Variants in ANKRD28 observed in about 807,000 individuals in gnomAD.
ANKRD28 encodes the protein serine/threonine-protein phosphatase 6 regulatory ankyrin repeat subunit A.
A neutral mutation model predicts 126.5 loss-of-function variants in ANKRD28; 44 were observed. The ratio of observed to expected loss-of-function variants is 0.35; its 90% CI spans 0.27 to 0.45. The LOEUF (loss-of-function observed/expected upper bound fraction) is 0.45. Ranked by LOEUF, ANKRD28 falls within the 20% of genes least tolerant of loss-of-function variation. ANKRD28 has a pLI of 1.00. For missense variants in ANKRD28, 1,110 were observed against 1,316.6 expected (o/e 0.84, Z 2.43); for synonymous variants, 442 against 468.5 (o/e 0.94, Z 0.73).
intron 3 of ANKRD28, among the ~76,000 whole-genome samples, chr3:15,760,612 C>T (rs1031808488): frequency 1.3e-5 from 2 of 152,108 alleles, no homozygotes; most frequent in Admixed American, 1.3e-4. Flanking sequence ...TCATGAGCTA[C>T]TCTATATACT....
At chr3:15,676,885 A>G in intron 26 of ANKRD28, 89 bp downstream of exon 26, 1 of 1,066,324 alleles carries the variant, frequency 9.4e-7, no homozygotes, top group Non-Finnish European at 1.4e-6. Context: ...AATGAAACCT[A>G]TTCCAATAGT....
rs59750718 is a variant in ANKRD28, at chr3:15,693,327, C to CAGAGAGAGAG, written c.1761+1402_1761+1411dup. Among the ~76,000 whole-genome samples, 4 of 148,464 alleles carry CAGAGAGAGAG rather than the reference C, an allele frequency of 2.7e-5. No individual in the cohort carries two copies. In the East Asian group the frequency reaches 7.9e-4, roughly 29 times the overall value. On this transcript the variant is annotated intron_variant, in intron 17 of 27. Coordinates refer to ENST00000683139, the MANE Select transcript of ANKRD28 (RefSeq NM_001349278.2). ...TGACAAAAAAATAGTAATGGGGGGG[C>CAGAGAGAGAG]AGAGAGAGAGAGAGAGAGAGAGACC...
intron 2 of ANKRD28, among the ~76,000 whole-genome samples, chr3:15,768,813 T>C (rs1425481625): frequency 1.3e-5 from 2 of 152,194 alleles, no homozygotes; most frequent in East Asian, 3.8e-4. Context: ...TAATGTTAAA[T>C]TGTTCAGTAA....
Position 15,803,211 on chromosome 3 carries a change from G to A in ANKRD28, c.28-7905C>T, listed in dbSNP as rs373563157. Among the ~76,000 whole-genome samples, 14 of 152,260 alleles carry A rather than the reference G, an allele frequency of 9.2e-5. No individual in the cohort carries two copies. The South Asian group carries it at 1.0e-3, about 11-fold the overall frequency. ...ATTATGTGGCTTTGATACGAAGAAC[G>A]GATTAAAGGGGTAGAAGAATGGAAG... On this transcript the variant is annotated intron_variant, in intron 1 of 27. Transcript: ENST00000399451.
chr3:15,728,721 C>T (rs537314278), intron 6 of ANKRD28, among the ~76,000 whole-genome samples: 5 of 152,304 alleles, frequency 3.3e-5, no homozygotes, highest in African/African-American at 9.6e-5. Context: ...TTACTGGAAT[C>T]GTTTCAATCT....
At chr3:15,810,233 T>C (rs185612489) in intron 1 of ANKRD28, among the ~76,000 whole-genome samples, 2 of 151,900 alleles carry the variant, frequency 1.3e-5, no homozygotes, top group Non-Finnish European at 2.9e-5. Flanking sequence ...AGAGGCCATG[T>C]AGGATGGTGA....
intron 1 of ANKRD28, among the ~76,000 whole-genome samples, chr3:15,825,532 G>A (rs1034085962): frequency 4.0e-5 from 6 of 151,352 alleles, no homozygotes; most frequent in Non-Finnish European, 8.8e-5. Flanking sequence ...AAACTAAATG[G>A]AAAAAAAATT....
chr3:15,832,184 G>A (rs2061218071), intron 1 of ANKRD28, among the ~76,000 whole-genome samples: 1 of 152,190 alleles, frequency 6.6e-6, no homozygotes, highest in East Asian at 1.9e-4. Context: ...TTCAGATAGT[G>A]CTACAGGGAA....
intron 1 of ANKRD28, among the ~76,000 whole-genome samples, chr3:15,852,426 TCTTGTG>T (rs1428156600): frequency 1.3e-5 from 2 of 152,246 alleles, no homozygotes; most frequent in African/African-American, 4.8e-5. Flanking sequence ...ATTTTAACTG[TCTTGTG>T]CTAGATGTTT....
intron 27 of ANKRD28, among the ~76,000 whole-genome samples, chr3:15,670,818 A>G (rs1317024528): frequency 6.6e-6 from 1 of 152,244 alleles, no homozygotes; most frequent in Non-Finnish European, 1.5e-5. Flanking sequence ...AGGTCTCACA[A>G]CTTATCCGTA....
chr3:15,697,361 C>T (rs1575209498), intron 14 of ANKRD28: 1 of 152,248 alleles, frequency 6.6e-6, no homozygotes, highest in East Asian at 1.9e-4. Flanking sequence ...AAAGACTACA[C>T]ATTGGATACA....
chr3:15,710,475 C>T (rs2072109355), intron 12 of ANKRD28, among the ~76,000 whole-genome samples: 1 of 152,182 alleles, frequency 6.6e-6, no homozygotes, highest in Non-Finnish European at 1.5e-5. Flanking sequence ...CAGTCACATG[C>T]TCACAATCCA....
chr3:15,721,214 T>C (rs972222582), intron 7 of ANKRD28, 87 bp from the exon 8 acceptor site: 4 of 1,071,774 alleles, frequency 3.7e-6, no homozygotes, highest in Non-Finnish European at 5.5e-6. Flanking sequence ...GTGGTTGCAA[T>C]CAAATTACTA....
At chr3:15,697,646 A>C (rs2069841858) in intron 14 of ANKRD28, among the ~76,000 whole-genome samples, 1 of 152,076 alleles carries the variant, frequency 6.6e-6, no homozygotes, top group Non-Finnish European at 1.5e-5. Flanking sequence ...TGCTGGATTC[A>C]GTTTGCCAGT....
chr3:15,736,850 A>G (rs2075050652), intron 5 of ANKRD28, among the ~76,000 whole-genome samples, 183 bp downstream of exon 5: 2 of 152,226 alleles, frequency 1.3e-5, no homozygotes, highest in Admixed American at 6.5e-5. Context: ...TTAACTGTGC[A>G]CAAGTAGTAT....
intron 1 of ANKRD28, among the ~76,000 whole-genome samples, chr3:15,822,341 CA>C (rs1170810200): frequency 1.8e-4 from 28 of 152,072 alleles, no homozygotes; most frequent in African/African-American, 5.8e-4. Context: ...AAACCTCTGC[CA>C]AATTATAGCC....
intron 20 of ANKRD28, among the ~76,000 whole-genome samples, chr3:15,685,787 TAG>T (rs1057115043): frequency 2.0e-5 from 3 of 152,356 alleles, no homozygotes; most frequent in African/African-American, 7.2e-5. Flanking sequence ...CTAAAAGTTT[TAG>T]AGTTTTAAAA....
rs144263805 is a variant in ANKRD28, at chr3:15,796,070, T to C, written c.117+335A>G. Among the ~76,000 whole-genome samples, 610 of 152,218 alleles carry C rather than the reference T, an allele frequency of 4.0e-3. 2 individuals carry two copies. The highest frequency in any genetic ancestry group is 0.023 in the East Asian group (118 of 5,174). On this transcript the variant is annotated intron_variant, in intron 1 of 27. Transcript: ENST00000683139. ...TGGGGGTAGTCAACCTTTCCTAAAA[T>C]ATGCAGAGTTCCTGATTCTTGTTAC...
chr3:15,745,046 T>C (rs556815542), intron 4 of ANKRD28, among the ~76,000 whole-genome samples: 16 of 152,338 alleles, frequency 1.1e-4, no homozygotes, highest in South Asian at 6.2e-4. Flanking sequence ...CTTTTGACAA[T>C]TGTCTATTCA....
Sources: gnomAD v4.1 joint callset for allele counts (sites outside exome capture counted in the v4.1 genomes callset) on GRCh38, gnomAD v4.1.1 for gene constraint, MANE v1.5 for transcripts, NCBI Gene and HGNC (gene_info 2026-07-23, HGNC 2026-07-21) for gene names.